ADAM12: variants seen among roughly 807,000 people sequenced by gnomAD.
ADAM12 encodes ADAM metallopeptidase domain 12, also known as disintegrin and metalloproteinase domain-containing protein 12.
In ADAM12, 70 loss-of-function variants were observed where a neutral mutation model predicts 106.4. The observed-to-expected ratio is 0.66, with a 90% CI of 0.54 to 0.80. The LOEUF is 0.80. Among genes scored for constraint, ADAM12 ranks in the 30% least tolerant of loss-of-function variants. The pLI, the probability that ADAM12 is intolerant of heterozygous loss-of-function variation, is 0.00. For missense variants in ADAM12, 1,010 were observed against 1,171.9 expected (o/e 0.86, Z 2.02); for synonymous variants, 420 against 433.5 (o/e 0.97, Z 0.39).
At chr10:126,300,532 C>T (rs1405378659) in intron 2 of ADAM12, among the ~76,000 whole-genome samples, 1 of 152,178 alleles carries the variant, frequency 6.6e-6, no homozygotes, top group Admixed American at 6.5e-5. Flanking sequence ...CAGCAATAAT[C>T]AATCATGGGT....
chr10:126,116,861 T>G (rs1051585785), intron 6 of ADAM12, among the ~76,000 whole-genome samples: 4 of 152,112 alleles, frequency 2.6e-5, no homozygotes, highest in Non-Finnish European at 5.9e-5. Context: ...AAGGTATCAT[T>G]TGGGATAACC....
At chr10:126,324,971 A>G (rs942556340) in intron 2 of ADAM12, among the ~76,000 whole-genome samples, 8 of 151,978 alleles carry the variant, frequency 5.3e-5, no homozygotes, top group Non-Finnish European at 1.0e-4. Flanking sequence ...TCTCACTGCT[A>G]TTTTCACTTA....
rs556534844 is a variant in ADAM12 at position 126,041,403 on chromosome 10, A to G, written c.2104+1637T>C. The G allele has an allele frequency of 3.0e-6, 3 of 985,726 alleles. No individual in the cohort carries two copies. The East Asian group carries it at 3.4e-4, about 112-fold the overall frequency. 61.1% of individuals were successfully genotyped at this position (985,726 alleles called of 1,614,324 possible). On this transcript the variant is annotated intron_variant, in intron 18 of 22. Coordinates refer to ENST00000448723, the MANE Select transcript of ADAM12 (RefSeq NM_001288973.2). ...CCACGGGGGATGGAGTTAGGCTCTTACATTGTTTTCACTTTTTAACATTCT... is the reference window on the plus strand; with the variant it reads ...CCACGGGGGATGGAGTTAGGCTCTTGCATTGTTTTCACTTTTTAACATTCT...
chr10:126,078,466 C>T (rs1486766276), intron 11 of ADAM12, among the ~76,000 whole-genome samples: 1 of 152,138 alleles, frequency 6.6e-6, no homozygotes, highest in Non-Finnish European at 1.5e-5. Flanking sequence ...CCCAAACCCC[C>T]AGAAACATAT....
chr10:126,051,930 T>C (rs1052657921), intron 14 of ADAM12, among the ~76,000 whole-genome samples: 2 of 152,108 alleles, frequency 1.3e-5, no homozygotes, highest in African/African-American at 4.8e-5. Context: ...GGCAGGCTGG[T>C]CAAGGAAGAC....
At chr10:126,204,588 C>T (rs566832804) in intron 3 of ADAM12, among the ~76,000 whole-genome samples, 5 of 152,198 alleles carry the variant, frequency 3.3e-5, no homozygotes, top group African/African-American at 4.8e-5. Context: ...CATCCCTCAA[C>T]GTTTAGTCTA....
At chr10:126,033,106 CA>C (rs1428165420) in intron 21 of ADAM12, among the ~76,000 whole-genome samples, 7 of 152,136 alleles carry the variant, frequency 4.6e-5, no homozygotes, top group African/African-American at 1.7e-4. Context: ...AGAACAAATA[CA>C]GTGAACAGCA....
intron 21 of ADAM12, among the ~76,000 whole-genome samples, chr10:126,027,257 C>A (rs966075955): frequency 7.2e-5 from 11 of 152,138 alleles, no homozygotes; most frequent in African/African-American, 2.7e-4. Flanking sequence ...AAACAAAACC[C>A]AGGACCAGGC....
At chr10:126,302,518 T>C (rs1960668120) in intron 2 of ADAM12, among the ~76,000 whole-genome samples, 1 of 152,108 alleles carries the variant, frequency 6.6e-6, no homozygotes, top group Non-Finnish European at 1.5e-5. Flanking sequence ...GATGGGAAGA[T>C]TTCACCCCTT....
At chr10:126,384,016 G>T (rs1486934232) in intron 1 of ADAM12, among the ~76,000 whole-genome samples, 2 of 152,186 alleles carry the variant, frequency 1.3e-5, no homozygotes, top group Non-Finnish European at 2.9e-5. Flanking sequence ...AAATAGATTT[G>T]ACTGGTTCTG....
intron 4 of ADAM12, among the ~76,000 whole-genome samples, chr10:126,136,930 G>C (rs1292800087): frequency 1.3e-5 from 2 of 152,066 alleles, no homozygotes; most frequent in Admixed American, 6.6e-5. Flanking sequence ...TTTGCTTATG[G>C]TATTTTTTGT....
At chr10:126,128,584 T>C (rs899535567) in intron 5 of ADAM12, among the ~76,000 whole-genome samples, 2 of 143,898 alleles carry the variant, frequency 1.4e-5, no homozygotes, top group Non-Finnish European at 3.0e-5. Flanking sequence ...CATGTCAGTG[T>C]GTGGTGCGCG....
intron 2 of ADAM12, among the ~76,000 whole-genome samples, chr10:126,279,714 C>G (rs7092290): frequency 0.77 from 116,607 of 150,636 alleles, 46,619 homozygotes; most frequent in Non-Finnish European, 0.87. Flanking sequence ...GCAACAAGAG[C>G]GAAACTTCGT....
chr10:126,331,163 A>G (rs1564737652), intron 1 of ADAM12, among the ~76,000 whole-genome samples: 1 of 152,244 alleles, frequency 6.6e-6, no homozygotes, highest in South Asian at 2.1e-4. Context: ...ACCCATTTCC[A>G]TAAACAATCC....
At chr10:126,152,679 T>A (rs533517059) in intron 4 of ADAM12, among the ~76,000 whole-genome samples, 1 of 152,198 alleles carries the variant, frequency 6.6e-6, no homozygotes, top group African/African-American at 2.4e-5. Context: ...GTAAAAATGA[T>A]GTAGCTGGAT....
intron 2 of ADAM12, among the ~76,000 whole-genome samples, chr10:126,307,085 T>A (rs1960879032): frequency 6.6e-6 from 1 of 152,236 alleles, no homozygotes; most frequent in Non-Finnish European, 1.5e-5. Context: ...TCTATTGATC[T>A]GTCTTCAAGT....
intron 3 of ADAM12, among the ~76,000 whole-genome samples, chr10:126,203,958 GT>G (rs1565136345): frequency 6.6e-6 from 1 of 152,152 alleles, no homozygotes; most frequent in African/African-American, 2.4e-5. Flanking sequence ...GTGTGTGTGT[GT>G]GTGAACCAAA....
intron 1 of ADAM12, among the ~76,000 whole-genome samples, chr10:126,381,721 C>T (rs1856500706): frequency 6.6e-6 from 1 of 151,912 alleles, no homozygotes; most frequent in Non-Finnish European, 1.5e-5. Flanking sequence ...AGGCTGGACT[C>T]AAACTCCTGA....
intron 3 of ADAM12, among the ~76,000 whole-genome samples, chr10:126,251,488 AATCGATGCGATGGATGGGATGAATGG>A (rs1047909850): frequency 2.9e-3 from 8 of 2,774 alleles, no homozygotes; most frequent in Admixed American, 0.026. Context: ...GGACAGATGG[AATCGATGCGATGGATGGGATGAATGG>A]ATGGGATGGA....
Sources: gnomAD v4.1 joint callset for allele counts (sites outside exome capture counted in the v4.1 genomes callset) on GRCh38, gnomAD v4.1.1 for gene constraint, MANE v1.5 for transcripts, NCBI Gene and HGNC (gene_info 2026-07-23, HGNC 2026-07-21) for gene names.